Variants in SLC6A15 observed in about 807,000 individuals in gnomAD.
SLC6A15 encodes the protein solute carrier family 6 member 15, also known as sodium-dependent neutral amino acid transporter B(0)AT2.
A neutral mutation model predicts 68.5 loss-of-function variants in SLC6A15; 33 were observed. That is an observed-to-expected ratio of 0.48 (90% CI 0.37 to 0.64). The LOEUF is 0.64. Ranked by LOEUF, SLC6A15 falls within the 30% of genes least tolerant of loss-of-function variation. The pLI is 0.00. For missense variants in SLC6A15, 747 were observed against 874.3 expected (o/e 0.85, Z 1.84); for synonymous variants, 347 against 301.0 (o/e 1.15, Z -1.58).
chr12:84,895,237 T>C (rs1393907986), intron 1 of SLC6A15, among the ~76,000 whole-genome samples: 1 of 151,858 alleles, frequency 6.6e-6, no homozygotes, highest in Non-Finnish European at 1.5e-5. Context: ...ATATTACCAA[T>C]GTTTAAACTT....
At chr12:84,882,010 T>G in intron 5 of SLC6A15, 1 of 979,520 alleles carries the variant, frequency 1.0e-6, no homozygotes, top group Non-Finnish European at 1.2e-6. Context: ...CTAAATAAAT[T>G]GTATTACATT....
intron 2 of SLC6A15, among the ~76,000 whole-genome samples, chr12:84,888,852 G>C (rs1872245243): frequency 6.6e-6 from 1 of 152,106 alleles, no homozygotes; most frequent in African/African-American, 2.4e-5. Flanking sequence ...AAGGCTTCCT[G>C]GCCTTTTTCT....
In SLC6A15 at chr12:84,867,055, C is replaced by G; in HGVS notation, c.1634G>C (p.Cys545Ser). ...IVVILENIAV[C>S]FVYGIDKFME... ...TTACTTATCTATGCCATAAACAAAG[C>G]ATACAGCAATATTCTCCAAAATGAC... Residue 545 changes from cysteine (C) to serine (S), a missense_variant, in exon 10 of 12, where the codon TGC becomes TCC. Coordinates refer to ENST00000266682, the MANE Select transcript of SLC6A15 (RefSeq NM_182767.6). 3 of 1,604,776 alleles carry G rather than the reference C, an allele frequency of 1.9e-6. No homozygotes were observed. The highest frequency in any genetic ancestry group is 1.7e-6 in the Non-Finnish European group (2 of 1,176,268).
intron 5 of SLC6A15, chr12:84,882,991 T>C: frequency 1.0e-6 from 1 of 981,992 alleles, no homozygotes; most frequent in African/African-American, 1.7e-5. Context: ...TGCTAGTATA[T>C]GATGATGAGT....
chr12:84,881,948 C>T lies in SLC6A15; in HGVS notation c.756+1911G>A, dbSNP rs12301685. 3,558 of 984,696 alleles carry T rather than the reference C, an allele frequency of 3.6e-3. 102 individuals are homozygous for T. The African/African-American group carries it at 0.056, about 15-fold the overall frequency. The allele number at this position is 984,696 out of a possible 1,614,324, so 61.0% of individuals were successfully genotyped here. ...TTAAATTCTTTCTTCAAATATTGCC[C>T]AAATACTAGTCTTTTCCTGAGGCAT... is the stretch of plus-strand genomic sequence containing the variant. On this transcript the variant is annotated intron_variant, in intron 5 of 11. Coordinates refer to ENST00000266682, the MANE Select transcript of SLC6A15 (RefSeq NM_182767.6).
At chr12:84,904,366 C>T (rs1400073828) in intron 1 of SLC6A15, among the ~76,000 whole-genome samples, 2 of 152,066 alleles carry the variant, frequency 1.3e-5, no homozygotes, top group African/African-American at 4.8e-5. Context: ...AAATGAACCA[C>T]CCAAATGAGC....
At chr12:84,883,177 A>G in intron 5 of SLC6A15, 1 of 984,880 alleles carries the variant, frequency 1.0e-6, no homozygotes, top group Non-Finnish European at 1.2e-6. Context: ...AAGTAATACG[A>G]AAGCAAAATA....
chr12:84,887,000 T>C (rs1397535390), intron 2 of SLC6A15, among the ~76,000 whole-genome samples: 2 of 152,190 alleles, frequency 1.3e-5, no homozygotes, highest in Non-Finnish European at 2.9e-5. Context: ...TGAAGTACAG[T>C]GGTGTGATCA....
intron 1 of SLC6A15, among the ~76,000 whole-genome samples, chr12:84,900,477 A>T (rs1406694215): frequency 2.6e-5 from 4 of 151,348 alleles, no homozygotes; most frequent in Admixed American, 2.6e-4. Flanking sequence ...TGGCTAAGAC[A>T]TCCACCAAAA....
rs1349567844 is a variant in SLC6A15 at position 84,861,602 on chromosome 12, C to A, written c.*30G>T. On this transcript the variant is annotated 3_prime_UTR_variant, in exon 12 of 12. Coordinates refer to ENST00000266682, the MANE Select transcript of SLC6A15 (RefSeq NM_182767.6). Reference sequence around the variant, plus strand: ...GCCAATGTTCATTGGTAAAAATGAACCAAATAAAACCCACTGACTTTTCCC... The same window carrying A: ...GCCAATGTTCATTGGTAAAAATGAAACAAATAAAACCCACTGACTTTTCCC... The A allele has an allele frequency of 1.9e-6, 3 of 1,553,936 alleles. No homozygotes were observed. Among genetic ancestry groups the A allele is most frequent in the Admixed American group, 3.8e-5 (2 of 53,036 alleles).
At position 84,861,902 on chromosome 12, in the gene SLC6A15, G is replaced by A. The variant is rs200592015; in HGVS notation, c.1923C>T (p.Arg641=). The A allele has an allele frequency of 1.2e-6, 2 of 1,613,952 alleles. No homozygotes were observed. The highest frequency in any genetic ancestry group is 2.7e-5 in the African/African-American group (2 of 75,002). ...CAGAACTATCATCTATAAGGTTGAAGCGACGAACAATGAAAACTACAGGGA... is the reference window on the plus strand; with the variant it reads ...CAGAACTATCATCTATAAGGTTGAAACGACGAACAATGAAAACTACAGGGA... ...LPVPVVFIVR[R]FNLIDDSSGN... is the part of the protein sequence containing the mutation. The change falls in exon 12 of 12, where the codon CGC becomes CGT. Residue 641 remains arginine, a synonymous_variant. Transcript: ENST00000266682.
At chr12:84,882,514 T>G in intron 5 of SLC6A15, 1 of 881,102 alleles carries the variant, frequency 1.1e-6, no homozygotes, top group Non-Finnish European at 1.4e-6. Context: ...AATTTTTAAT[T>G]AAATATAAAG....
intron 1 of SLC6A15, among the ~76,000 whole-genome samples, chr12:84,898,360 A>G (rs1872719201): frequency 6.6e-6 from 1 of 152,160 alleles, no homozygotes; most frequent in South Asian, 2.1e-4. Context: ...AAACAAACAA[A>G]AAACAACTTA....
intron 5 of SLC6A15, chr12:84,881,649 CAGCTGACTCATTCTTCTTTT>C: frequency 4.1e-6 from 4 of 983,080 alleles, no homozygotes; most frequent in Non-Finnish European, 4.8e-6. Flanking sequence ...AGCACATCAC[CAGCTGACTCATTCTTCTTTT>C]AGCTGCTAAA....
chr12:84,909,250 T>C (rs1873325285), intron 1 of SLC6A15, among the ~76,000 whole-genome samples: 1 of 152,132 alleles, frequency 6.6e-6, no homozygotes, highest in Non-Finnish European at 1.5e-5. Flanking sequence ...GCATTCTATT[T>C]AAAAATAAAA....
At chr12:84,866,519 G>A (rs1871072716) in intron 10 of SLC6A15, among the ~76,000 whole-genome samples, 1 of 151,986 alleles carries the variant, frequency 6.6e-6, no homozygotes, top group Non-Finnish European at 1.5e-5. Flanking sequence ...TCCCAATATT[G>A]TCCTGCTATA....
At chr12:84,888,043 T>C (rs563782178) in intron 2 of SLC6A15, among the ~76,000 whole-genome samples, 1 of 150,486 alleles carries the variant, frequency 6.6e-6, no homozygotes, top group African/African-American at 2.5e-5. Context: ...TTGGGCAACA[T>C]GGTGAGACGC....
intron 2 of SLC6A15, among the ~76,000 whole-genome samples, chr12:84,887,379 G>A (rs543915370): frequency 6.6e-6 from 1 of 152,126 alleles, no homozygotes; most frequent in Non-Finnish European, 1.5e-5. Flanking sequence ...GTGAAATAAT[G>A]GATTTTTTCA....
chr12:84,889,739 C>T (rs146078396), intron 2 of SLC6A15, among the ~76,000 whole-genome samples: 1,706 of 152,138 alleles, frequency 0.011, 37 homozygotes, highest in African/African-American at 0.039. Flanking sequence ...ATTATTAACC[C>T]TATTTTACAG....
Sources: allele counts gnomAD v4.1 joint callset (sites outside exome capture counted in the v4.1 genomes callset), GRCh38; gene constraint gnomAD v4.1.1; transcripts MANE v1.5; gene names NCBI Gene and HGNC (gene_info 2026-07-23, HGNC 2026-07-21).